LSAMP: variants seen among roughly 807,000 people sequenced by gnomAD.
LSAMP encodes limbic system associated membrane protein.
A neutral mutation model predicts 38.6 loss-of-function variants in LSAMP; 7 were observed. The observed-to-expected ratio is 0.18, with a 90% CI of 0.10 to 0.34. LSAMP has a LOEUF of 0.34. Ranked by LOEUF, LSAMP falls within the 10% of genes least tolerant of loss-of-function variation. The pLI is 1.00. For missense variants in LSAMP, 313 were observed against 420.0 expected (o/e 0.75, Z 2.23); for synonymous variants, 154 against 166.8 (o/e 0.92, Z 0.59).
intron 3 of LSAMP, among the ~76,000 whole-genome samples, chr3:115,968,583 C>T (rs115744627): frequency 6.6e-6 from 1 of 152,138 alleles, no homozygotes; most frequent in Non-Finnish European, 1.5e-5. Flanking sequence ...AGACAAAGTT[C>T]TCTTTACTCT....
chr3:116,209,499 G>A (rs1393017432), intron 1 of LSAMP, among the ~76,000 whole-genome samples: 1 of 152,148 alleles, frequency 6.6e-6, no homozygotes, highest in African/African-American at 2.4e-5. Flanking sequence ...TAGTTTTCCA[G>A]TCTTTTTGAA....
chr3:116,299,998 C>CCAT (rs1305166007), intron 1 of LSAMP, among the ~76,000 whole-genome samples: 1 of 152,152 alleles, frequency 6.6e-6, no homozygotes, highest in Non-Finnish European at 1.5e-5. Context: ...TCTAATAAGG[C>CCAT]CATCTGTTAA....
intron 2 of LSAMP, among the ~76,000 whole-genome samples, chr3:116,063,575 A>C (rs1381140369): frequency 6.6e-6 from 1 of 152,152 alleles, no homozygotes; most frequent in Non-Finnish European, 1.5e-5. Context: ...GTTAAGAATA[A>C]ATGTTTCATT....
At chr3:116,372,690 GA>G (rs2048444712) in intron 1 of LSAMP, among the ~76,000 whole-genome samples, 2 of 104,006 alleles carry the variant, frequency 1.9e-5, no homozygotes, top group African/African-American at 7.4e-5. Flanking sequence ...AATATTAATT[GA>G]ATATTGCCCT....
chr3:115,993,406 G>A (rs1383092209), intron 3 of LSAMP, among the ~76,000 whole-genome samples: 3 of 151,982 alleles, frequency 2.0e-5, no homozygotes, highest in African/African-American at 7.2e-5. Flanking sequence ...AAAGAATTTA[G>A]TATTCCATAA....
chr3:116,355,646 G>GA (rs2048213028), intron 1 of LSAMP, among the ~76,000 whole-genome samples: 1 of 152,046 alleles, frequency 6.6e-6, no homozygotes, highest in Non-Finnish European at 1.5e-5. Flanking sequence ...AAAATGAAGA[G>GA]AAAACCCACA....
At chr3:115,883,714 T>C (rs1315402531) in intron 3 of LSAMP, among the ~76,000 whole-genome samples, 5 of 152,028 alleles carry the variant, frequency 3.3e-5, no homozygotes, top group African/African-American at 1.2e-4. Flanking sequence ...TGTTCTCTTT[T>C]TATGCATTAC....
At chr3:116,226,573 C>T (rs1189338368) in intron 1 of LSAMP, among the ~76,000 whole-genome samples, 2 of 152,246 alleles carry the variant, frequency 1.3e-5, no homozygotes, top group Non-Finnish European at 2.9e-5. Flanking sequence ...CAATCCACTT[C>T]TCTGGAATCA....
intron 3 of LSAMP, among the ~76,000 whole-genome samples, chr3:116,005,356 G>C (rs1468015985): frequency 1.3e-5 from 2 of 152,098 alleles, no homozygotes; most frequent in Admixed American, 1.3e-4. Context: ...TCAGAAGCAA[G>C]ATTCAGTCCT....
intron 2 of LSAMP, among the ~76,000 whole-genome samples, chr3:116,054,487 A>T (rs1233581729): frequency 6.6e-6 from 1 of 152,158 alleles, no homozygotes; most frequent in East Asian, 1.9e-4. Flanking sequence ...AGATCTAAGC[A>T]TGGGCTCCTA....
chr3:115,827,770 C>T (rs1168051937), intron 6 of LSAMP, among the ~76,000 whole-genome samples: 2 of 152,112 alleles, frequency 1.3e-5, no homozygotes, highest in African/African-American at 4.8e-5. Flanking sequence ...TGCCTACTCC[C>T]ATCATACATC....
At chr3:116,411,790 GA>G (rs201174808) in intron 1 of LSAMP, among the ~76,000 whole-genome samples, 15,676 of 143,932 alleles carry the variant, frequency 0.11, 1,121 homozygotes, top group African/African-American at 0.2. Flanking sequence ...AATAAAAGAA[GA>G]AAAAAAAAAA....
At chr3:116,336,966 G>A (rs930769955) in intron 1 of LSAMP, among the ~76,000 whole-genome samples, 3 of 151,156 alleles carry the variant, frequency 2.0e-5, no homozygotes, top group Admixed American at 6.6e-5. Flanking sequence ...ATATATATAT[G>A]TGTGTGTGTA....
At chr3:116,359,751 T>C (rs1287208195) in intron 1 of LSAMP, among the ~76,000 whole-genome samples, 1 of 152,110 alleles carries the variant, frequency 6.6e-6, no homozygotes, top group Non-Finnish European at 1.5e-5. Flanking sequence ...ATGGTGCTAA[T>C]AGAACTGCAC....
chr3:116,352,331 T>A lies in LSAMP; in HGVS notation c.155+92546A>T, dbSNP rs534867846. On this transcript the variant is annotated intron_variant, in intron 1 of 6. Transcript: ENST00000490035. ...AGAGTTGGGTTGAGGAAAAAGACAA[T>A]GAGATAGATTCAGAGCATGGGATCT... Among the ~76,000 whole-genome samples, 12 of 152,072 alleles carry A rather than the reference T, an allele frequency of 7.9e-5. 1 individual carries two copies. The South Asian group carries it at 2.5e-3, about 32-fold the overall frequency.
intron 1 of LSAMP, among the ~76,000 whole-genome samples, chr3:116,435,091 C>T (rs1042057596): frequency 2.0e-5 from 3 of 152,138 alleles, no homozygotes; most frequent in Non-Finnish European, 4.4e-5. Context: ...CCCCACAGAG[C>T]TAGACCAGGT....
At chr3:116,333,294 A>G (rs1321295746) in intron 1 of LSAMP, among the ~76,000 whole-genome samples, 2 of 152,082 alleles carry the variant, frequency 1.3e-5, no homozygotes, top group Non-Finnish European at 2.9e-5. Flanking sequence ...TAATCCCAGC[A>G]CTTTGGGAGA....
At chr3:115,982,585 A>T (rs929389761) in intron 3 of LSAMP, among the ~76,000 whole-genome samples, 2 of 152,192 alleles carry the variant, frequency 1.3e-5, no homozygotes, top group Admixed American at 6.5e-5. Context: ...ACACTCTGTG[A>T]CTAGTTTCTC....
chr3:115,954,647 A>C lies in LSAMP; in HGVS notation c.514+64868T>G, dbSNP rs75529120. Among the ~76,000 whole-genome samples, 426 of 152,338 alleles carry C rather than the reference A, an allele frequency of 2.8e-3. 3 individuals carry two copies. The highest frequency in any genetic ancestry group is 9.6e-3 in the African/African-American group (400 of 41,582). ...AAATATAGATTAGAATAAAAGGGCA[A>C]TGTGTTTTTAACCAAATGTGATTTT... On this transcript the variant is annotated intron_variant, in intron 3 of 6. Transcript: ENST00000490035.
Sources: allele counts gnomAD v4.1 joint callset (sites outside exome capture counted in the v4.1 genomes callset), GRCh38; gene constraint gnomAD v4.1.1; transcripts MANE v1.5; gene names NCBI Gene and HGNC (gene_info 2026-07-23, HGNC 2026-07-21).